Variants in ELMO1 observed in about 807,000 individuals in gnomAD.
The protein encoded by ELMO1 is engulfment and cell motility 1.
In ELMO1, 26 loss-of-function variants were observed where a neutral mutation model predicts 98.9. That is an observed-to-expected ratio of 0.26 (90% CI 0.19 to 0.36). The LOEUF (loss-of-function observed/expected upper bound fraction) is 0.36, where lower values mean the gene tolerates loss of function less well. Among genes scored for constraint, ELMO1 ranks in the 10% least tolerant of loss-of-function variants. ELMO1 has a pLI of 1.00. For missense variants in ELMO1, 627 were observed against 935.2 expected (o/e 0.67, Z 4.30); for synonymous variants, 346 against 346.0 (o/e 1.00, Z 0.00).
Position 36,991,605 on chromosome 7 carries a change from A to G in ELMO1, c.1437+21694T>C, listed in dbSNP as rs190316307. Among the ~76,000 whole-genome samples, 5 of 152,356 alleles carry G rather than the reference A, an allele frequency of 3.3e-5. No individual in the cohort carries two copies. In the East Asian group the frequency reaches 9.6e-4, roughly 29 times the overall value. On this transcript the variant is annotated intron_variant, in intron 16 of 21. Coordinates refer to ENST00000310758, the MANE Select transcript of ELMO1 (RefSeq NM_014800.11). Reference sequence around the variant, plus strand: ...GCTCTTTTTATCCTCAAAGGGAGATATCAATAATATTCCATGGAAACATTC... The same window carrying G: ...GCTCTTTTTATCCTCAAAGGGAGATGTCAATAATATTCCATGGAAACATTC...
chr7:37,261,970 T>C (rs577137184), intron 5 of ELMO1, among the ~76,000 whole-genome samples: 50 of 152,274 alleles, frequency 3.3e-4, no homozygotes, highest in African/African-American at 1.2e-3. Context: ...TGGTTTACAG[T>C]ACCTAAAGAA....
At position 37,266,992 on chromosome 7, in the gene ELMO1, G is replaced by A. The variant is rs991455126; in HGVS notation, c.243+4840C>T. On this transcript the variant is annotated intron_variant, in intron 5 of 21. Transcript: ENST00000310758. The stretch of plus-strand genomic sequence containing the variant: ...TGTGCCACTATACTCCAGCCTGGGC[G>A]ACAGAGCAAGACTCCATCTAAAAAA... Among the ~76,000 whole-genome samples the A allele has an allele frequency of 2.8e-5, 4 of 141,330 alleles. No individual in the cohort carries two copies. In the Admixed American group the frequency reaches 3.0e-4, roughly 11 times the overall value. 92.7% of individuals were successfully genotyped at this position (141,330 alleles called of 152,430 possible). A position where few individuals can be genotyped will look rare whatever the true frequency, so the allele number is the denominator to read the frequency against.
chr7:37,320,766 T>C (rs1799443804), intron 2 of ELMO1, among the ~76,000 whole-genome samples: 2 of 152,096 alleles, frequency 1.3e-5, no homozygotes. Flanking sequence ...GGAGACTCAA[T>C]ACACCTCTGC....
chr7:36,855,343 G>C lies in ELMO1; in HGVS notation c.*208C>G. ...CAGCCATGGGAAGTGACCTGAAGCAGTGGAGCCGAGGAACAGAATCAGGGC... is the reference window on the plus strand; with the variant it reads ...CAGCCATGGGAAGTGACCTGAAGCACTGGAGCCGAGGAACAGAATCAGGGC... On this transcript the variant is annotated 3_prime_UTR_variant, in exon 22 of 22. Coordinates refer to ENST00000310758, the MANE Select transcript of ELMO1 (RefSeq NM_014800.11). This position sits in a 1 kb window ranked among gnomAD's most constrained non-coding sequence, Gnocchi z 4.2. The C allele has an allele frequency of 1.6e-6, 1 of 606,968 alleles. No homozygotes were observed. 37.6% of individuals were successfully genotyped at this position (606,968 alleles called of 1,614,324 possible). A position where few individuals can be genotyped will look rare whatever the true frequency, so the allele number is the denominator to read the frequency against.
At chr7:37,082,668 T>C (rs574431560) in intron 15 of ELMO1, among the ~76,000 whole-genome samples, 1 of 152,126 alleles carries the variant, frequency 6.6e-6, no homozygotes. Flanking sequence ...GAAGCAGAGG[T>C]TGCAGTGAGC....
intron 4 of ELMO1, among the ~76,000 whole-genome samples, chr7:37,288,793 C>T (rs1355573686): frequency 6.6e-6 from 1 of 152,208 alleles, no homozygotes; most frequent in Non-Finnish European, 1.5e-5. Context: ...TGTACACCCA[C>T]ATGTAGTCTT....
intron 16 of ELMO1, among the ~76,000 whole-genome samples, chr7:36,925,098 AGCCCAGAAT>A (rs1785443480): frequency 6.6e-6 from 1 of 152,200 alleles, no homozygotes; most frequent in African/African-American, 2.4e-5. Flanking sequence ...GGAATTATCC[AGCCCAGAAT>A]GCCCACAGTG....
chr7:37,353,630 C>G (rs1314801800), intron 1 of ELMO1: 1 of 152,106 alleles, frequency 6.6e-6, no homozygotes, highest in East Asian at 1.9e-4. Flanking sequence ...TGGAAGGGGA[C>G]CCAGGTTGCT....
chr7:37,397,139 A>C (rs939599895), intron 1 of ELMO1, among the ~76,000 whole-genome samples: 4 of 152,260 alleles, frequency 2.6e-5, no homozygotes, highest in African/African-American at 9.6e-5. Context: ...TGCAAAATAT[A>C]TAGTCAACTG....
chr7:37,438,604 A>G (rs1805260174), intron 1 of ELMO1, among the ~76,000 whole-genome samples: 1 of 152,132 alleles, frequency 6.6e-6, no homozygotes, highest in Non-Finnish European at 1.5e-5. Flanking sequence ...TGTCTCAAAA[A>G]AAAAAACACT....
chr7:37,395,367 CA>C (rs59452486), intron 1 of ELMO1, among the ~76,000 whole-genome samples: 5,835 of 65,816 alleles, frequency 0.089, 96 homozygotes, highest in Non-Finnish European at 0.11. Flanking sequence ...AACTCCATCT[CA>C]AAAAAAAAAA....
chr7:36,957,787 T>C (rs548686588), intron 16 of ELMO1, among the ~76,000 whole-genome samples: 2 of 152,310 alleles, frequency 1.3e-5, no homozygotes, highest in Non-Finnish European at 2.9e-5. Flanking sequence ...ACAATTGTTC[T>C]GAGAGAAGGC....
chr7:36,929,420 G>A (rs1290234880), intron 16 of ELMO1, among the ~76,000 whole-genome samples: 1 of 152,326 alleles, frequency 6.6e-6, no homozygotes, highest in East Asian at 1.9e-4. Context: ...CATTAGATAT[G>A]ATGGAATGCA....
rs370598165 is a variant in ELMO1 at position 37,375,670 on chromosome 7, C to T, written c.-73-32907G>A. The T allele has an allele frequency of 6.2e-5, 78 of 1,248,386 alleles. No homozygotes were observed. In the East Asian group the frequency reaches 1.6e-3, roughly 26 times the overall value. 77.3% of individuals were successfully genotyped at this position (1,248,386 alleles called of 1,614,324 possible). A position where few individuals can be genotyped will look rare whatever the true frequency, so the allele number is the denominator to read the frequency against. ...CAACCTTCAGGTCATGAAGGCCATG[C>T]AGTCTCTCAAGTCCCGAGGCTGTGT... is the stretch of plus-strand genomic sequence containing the variant. On this transcript the variant is annotated intron_variant, in intron 1 of 21. Coordinates refer to ENST00000310758, the MANE Select transcript of ELMO1 (RefSeq NM_014800.11).
chr7:37,147,664 A>C (rs1486015679), intron 13 of ELMO1, among the ~76,000 whole-genome samples: 1 of 152,176 alleles, frequency 6.6e-6, no homozygotes, highest in East Asian at 1.9e-4. Flanking sequence ...CACAACAAGA[A>C]CAGAAGAGGT....
chr7:37,331,314 C>T (rs1419427496), intron 2 of ELMO1, among the ~76,000 whole-genome samples: 9 of 146,508 alleles, frequency 6.1e-5, no homozygotes, highest in African/African-American at 7.6e-5. Context: ...GGACTACAGG[C>T]GCCAGCCGCC....
chr7:37,187,127 T>G (rs73341921), intron 13 of ELMO1, among the ~76,000 whole-genome samples: 1,854 of 152,068 alleles, frequency 0.012, 38 homozygotes, highest in African/African-American at 0.042. Context: ...AATCAGACAA[T>G]AAGAAGAAAC....
intron 16 of ELMO1, among the ~76,000 whole-genome samples, chr7:36,937,905 C>G (rs911575691): frequency 1.3e-5 from 2 of 152,180 alleles, no homozygotes; most frequent in Non-Finnish European, 2.9e-5. Flanking sequence ...GCCCCTGAGG[C>G]CACTCATGGA....
chr7:36,994,159 A>G (rs986450992), intron 16 of ELMO1, among the ~76,000 whole-genome samples: 1 of 152,210 alleles, frequency 6.6e-6, no homozygotes, highest in Admixed American at 6.5e-5. Context: ...TAATGTCTTG[A>G]AAACAATAAA....
Sources: allele counts gnomAD v4.1 joint callset (sites outside exome capture counted in the v4.1 genomes callset), GRCh38; gene constraint gnomAD v4.1.1; non-coding constraint Gnocchi (gnomAD v3.1); transcripts MANE v1.5; gene names NCBI Gene and HGNC (gene_info 2026-07-23, HGNC 2026-07-21).